Variants in GSE1 observed in about 807,000 individuals in gnomAD.
The protein encoded by GSE1 is genetic suppressor element 1.
Under a neutral mutation model 112.6 loss-of-function variants are expected in GSE1, and 32 were observed. The ratio of observed to expected loss-of-function variants is 0.28; its 90% CI spans 0.21 to 0.38. The LOEUF (loss-of-function observed/expected upper bound fraction) is 0.38, where lower values mean the gene tolerates loss of function less well. Ranked by LOEUF, GSE1 falls within the 10% of genes least tolerant of loss-of-function variation. The probability of loss-of-function intolerance (pLI) is 1.00; values close to 1 mark genes in which losing one functional copy is unlikely to be tolerated. For missense variants in GSE1, 2,348 were observed against 1,699.2 expected (o/e 1.38, Z -6.71); for synonymous variants, 1,115 against 735.6 (o/e 1.52, Z -8.35).
chr16:85,601,322 G>T (rs2047455542), intron 1 of GSE1, among the ~76,000 whole-genome samples: 1 of 152,066 alleles, frequency 6.6e-6, no homozygotes, highest in South Asian at 2.1e-4. Flanking sequence ...CAGGGGTGGG[G>T]CAGCCATGGG....
At chr16:85,618,834 A>C (rs1033903512) in intron 1 of GSE1, among the ~76,000 whole-genome samples, 3 of 152,194 alleles carry the variant, frequency 2.0e-5, no homozygotes, top group African/African-American at 7.2e-5. Context: ...ATTTTAAAGA[A>C]ATTTTTTTGT....
intron 1 of GSE1, among the ~76,000 whole-genome samples, chr16:85,560,564 G>T (rs1025156880): frequency 1.3e-5 from 2 of 152,182 alleles, no homozygotes; most frequent in Admixed American, 1.3e-4. Context: ...TGGCTGCAGG[G>T]AGAGCAAGGT....
At chr16:85,605,178 C>T (rs1047432425) in intron 1 of GSE1, among the ~76,000 whole-genome samples, 2 of 151,794 alleles carry the variant, frequency 1.3e-5, no homozygotes, top group South Asian at 2.1e-4. Context: ...GGGCCCCACC[C>T]GCTGTCCTGC....
chr16:85,559,454 C>T (rs1402298071), intron 1 of GSE1, among the ~76,000 whole-genome samples: 4 of 152,262 alleles, frequency 2.6e-5, no homozygotes, highest in African/African-American at 9.6e-5. Context: ...AGAGGCCTGA[C>T]ACCATGGTGC....
chr16:85,243,748 A>G (rs900341685), intron 1 of GSE1, among the ~76,000 whole-genome samples: 1 of 152,240 alleles, frequency 6.6e-6, no homozygotes, highest in African/African-American at 2.4e-5. Context: ...TTTGGGGAAC[A>G]TGCACAGGAA....
At position 85,419,942 on chromosome 16, in the gene GSE1, G is replaced by GA. The variant is rs1457442020; in HGVS notation, c.2464+62300dup. 3.9e-5 allele frequency among the ~76,000 whole-genome samples: 6 copies of GA among 152,236 alleles called. No homozygotes were observed. Among genetic ancestry groups the GA allele is most frequent in the Admixed American group, 3.9e-4 (6 of 15,286 alleles). ...CTGAGGGACAGCAGGGGCAAAGTCTGAGCTAGGAAGGCCCCTCTGAGGCCC... is the reference window on the plus strand; with the variant it reads ...CTGAGGGACAGCAGGGGCAAAGTCTGAAGCTAGGAAGGCCCCTCTGAGGCCC... On this transcript the variant is annotated intron_variant, in intron 2 of 2. Coordinates refer to the GSE1 transcript ENST00000637419. The surrounding 1 kb of genome is among the most constrained non-coding windows in gnomAD (Gnocchi z 6.5).
chr16:85,519,708 C>G (rs906939743), intron 2 of GSE1, among the ~76,000 whole-genome samples: 1 of 139,192 alleles, frequency 7.2e-6, no homozygotes, highest in Admixed American at 7.4e-5. Context: ...CAGTCTCCAT[C>G]ACTGTCATCA....
At chr16:85,510,654 G>A (rs950775385) in intron 2 of GSE1, among the ~76,000 whole-genome samples, 1 of 152,236 alleles carries the variant, frequency 6.6e-6, no homozygotes, top group Non-Finnish European at 1.5e-5. Context: ...GTGGGTGCAC[G>A]TAGCTTTGGC....
intron 1 of GSE1, among the ~76,000 whole-genome samples, chr16:85,336,013 T>C (rs904909969): frequency 1.3e-5 from 2 of 152,016 alleles, no homozygotes; most frequent in East Asian, 3.9e-4. Flanking sequence ...CTAGGACAGG[T>C]GGGACCCAGG....
intron 1 of GSE1, among the ~76,000 whole-genome samples, chr16:85,227,165 C>G (rs2075503775): frequency 6.6e-6 from 1 of 152,186 alleles, no homozygotes; most frequent in African/African-American, 2.4e-5. Flanking sequence ...GTCTATCCAT[C>G]CAATAGGCAG....
At chr16:85,318,712 T>C (rs1441226365) in intron 1 of GSE1, among the ~76,000 whole-genome samples, 4 of 152,208 alleles carry the variant, frequency 2.6e-5, no homozygotes, top group Non-Finnish European at 5.9e-5. Context: ...GGCACAGCCC[T>C]ATCAAGCTGC....
intron 1 of GSE1, among the ~76,000 whole-genome samples, chr16:85,202,658 C>T (rs1314205394): frequency 1.3e-5 from 2 of 152,224 alleles, no homozygotes; most frequent in African/African-American, 4.8e-5. Flanking sequence ...GATCCTCAGG[C>T]CAGGCCCACA....
chr16:85,347,298 A>T (rs1175342046), intron 1 of GSE1, among the ~76,000 whole-genome samples: 3 of 152,104 alleles, frequency 2.0e-5, no homozygotes. Flanking sequence ...GCCAGCCCCT[A>T]GGAGGAGGTT....
chr16:85,539,329 T>G (rs2044440449), intron 2 of GSE1, among the ~76,000 whole-genome samples: 1 of 152,190 alleles, frequency 6.6e-6, no homozygotes, highest in Non-Finnish European at 1.5e-5. Flanking sequence ...CACTTAATTG[T>G]GGGTGCAGTT....
At chr16:85,657,958 C>T (rs1483407823) in intron 8 of GSE1, among the ~76,000 whole-genome samples, 3 of 152,236 alleles carry the variant, frequency 2.0e-5, no homozygotes, top group Admixed American at 6.5e-5. Flanking sequence ...CCTGTTCTCT[C>T]CATCTTCCTC....
chr16:85,343,142 C>T (rs888629542), intron 1 of GSE1, among the ~76,000 whole-genome samples: 3 of 152,080 alleles, frequency 2.0e-5, no homozygotes, highest in Non-Finnish European at 2.9e-5. Flanking sequence ...AAGCGTGGCG[C>T]GTCCACACTA....
chr16:85,249,623 C>T (rs1203188257), intron 1 of GSE1, among the ~76,000 whole-genome samples: 1 of 152,198 alleles, frequency 6.6e-6, no homozygotes, highest in African/African-American at 2.4e-5. Context: ...CCTGGGTTCC[C>T]GCCAGGACAC....
At chr16:85,598,815 G>A (rs1458030355) in intron 1 of GSE1, among the ~76,000 whole-genome samples, 5 of 152,204 alleles carry the variant, frequency 3.3e-5, no homozygotes, top group African/African-American at 4.8e-5. Flanking sequence ...CGGCCCCCTC[G>A]TCCGTTCTGC....
chr16:85,633,859 G>T, intron 1 of GSE1, 55 bp from the exon 2 acceptor site: 3 of 1,432,432 alleles, frequency 2.1e-6, no homozygotes, highest in East Asian at 2.3e-5. Context: ...CCCTGCTCTG[G>T]TGCTGGGCGC....
Sources: gnomAD v4.1 joint callset for allele counts (sites outside exome capture counted in the v4.1 genomes callset) on GRCh38, gnomAD v4.1.1 for gene constraint, Gnocchi (gnomAD v3.1) non-coding constraint, MANE v1.5 for transcripts, NCBI Gene and HGNC (gene_info 2026-07-23, HGNC 2026-07-21) for gene names.